The following STAC variants were observed in gnomAD, a reference collection of about 807,000 sequenced individuals.
STAC encodes SH3 and cysteine-rich domain-containing protein.
In STAC, 43 loss-of-function variants were observed where a neutral mutation model predicts 48.8. That is an observed-to-expected ratio of 0.88 (90% CI 0.69 to 1.14). The LOEUF (loss-of-function observed/expected upper bound fraction) is 1.14, where lower values mean the gene tolerates loss of function less well. STAC is among the 50% of genes most tolerant of loss of function. STAC has a pLI of 0.00. For missense variants in STAC, 497 were observed against 504.0 expected, an observed-to-expected ratio of 0.99 and a Z score of 0.13; for synonymous variants, 193 against 179.5, an observed-to-expected ratio of 1.07 and a Z score of -0.60.
intron 8 of STAC, among the ~76,000 whole-genome samples, chr3:36,514,674 G>A (rs981511572): frequency 6.6e-6 from 1 of 152,148 alleles, no homozygotes; most frequent in Non-Finnish European, 1.5e-5. Context: ...GTATTGTGGA[G>A]ATTAAATGAA....
intron 1 of STAC, among the ~76,000 whole-genome samples, chr3:36,391,576 CTT>C (rs1699752364): frequency 6.6e-6 from 1 of 152,152 alleles, no homozygotes; most frequent in African/African-American, 2.4e-5. Context: ...TCTGTGCTCT[CTT>C]TGTTGTTAAT....
intron 1 of STAC, among the ~76,000 whole-genome samples, chr3:36,419,157 G>A (rs1170460674): frequency 1.3e-5 from 2 of 151,720 alleles, no homozygotes; most frequent in Non-Finnish European, 2.9e-5. Flanking sequence ...TCACCACTAA[G>A]TTTGACTCTG....
chr3:36,536,534 G>C (rs1017017291), intron 10 of STAC, among the ~76,000 whole-genome samples: 2 of 152,202 alleles, frequency 1.3e-5, no homozygotes, highest in Middle Eastern at 6.8e-3. Flanking sequence ...TGGGAAGTGG[G>C]CTAGCCATAT....
chr3:36,515,071 T>C (rs1698639087), intron 8 of STAC, among the ~76,000 whole-genome samples: 1 of 147,146 alleles, frequency 6.8e-6, no homozygotes, highest in Non-Finnish European at 1.5e-5. Flanking sequence ...AATAATATAA[T>C]GGAAACTATA....
rs140340366 is a variant in STAC, at chr3:36,543,684, G to A, written c.1111-2507G>A. Among the ~76,000 whole-genome samples, 29 of 152,194 alleles carry A rather than the reference G, an allele frequency of 1.9e-4. No individual in the cohort carries two copies. The East Asian group carries it at 3.1e-3, about 16-fold the overall frequency. Reference sequence around the variant, plus strand: ...GTTTTTGCTCCAAGAACTGAAATTCGTTCTTCACAGAGATAATGAAATGCT... The same window carrying A: ...GTTTTTGCTCCAAGAACTGAAATTCATTCTTCACAGAGATAATGAAATGCT... On this transcript the variant is annotated intron_variant, in intron 10 of 10. Coordinates refer to ENST00000273183, the MANE Select transcript of STAC (RefSeq NM_003149.3).
chr3:36,546,341 G>C lies in STAC; in HGVS notation c.*52G>C, dbSNP rs530306055. 4 of 1,504,638 alleles carry C rather than the reference G, an allele frequency of 2.7e-6. No homozygotes were observed. In the African/African-American group the frequency reaches 5.5e-5, roughly 21 times the overall value. 93.2% of individuals were successfully genotyped at this position (1,504,638 alleles called of 1,614,324 possible). On this transcript the variant is annotated 3_prime_UTR_variant, in exon 11 of 11. Coordinates refer to ENST00000273183, the MANE Select transcript of STAC (RefSeq NM_003149.3). The stretch of plus-strand genomic sequence containing the variant: ...AGGCAAGCTCTGCTGCGATGCCTCT[G>C]CCTCATCTCACACTGCGTCAACCCA...
At chr3:36,456,280 G>C (rs1696852488) in intron 2 of STAC, among the ~76,000 whole-genome samples, 1 of 152,172 alleles carries the variant, frequency 6.6e-6, no homozygotes, top group Non-Finnish European at 1.5e-5. Context: ...GAACGAGCCT[G>C]ACTCTGTTGA....
chr3:36,434,761 T>C (rs1700789887), intron 1 of STAC, among the ~76,000 whole-genome samples: 2 of 152,208 alleles, frequency 1.3e-5, no homozygotes, highest in African/African-American at 4.8e-5. Flanking sequence ...GACTGGTAAA[T>C]CAATACACCT....
chr3:36,534,473 C>CAT (rs1224569673), intron 10 of STAC, among the ~76,000 whole-genome samples: 1 of 152,070 alleles, frequency 6.6e-6, no homozygotes, highest in Non-Finnish European at 1.5e-5. Context: ...GACAAATGGA[C>CAT]ATTAACAAGA....
chr3:36,529,858 A>G (rs1329169124), intron 10 of STAC, among the ~76,000 whole-genome samples: 2 of 152,080 alleles, frequency 1.3e-5, no homozygotes, highest in African/African-American at 2.4e-5. Flanking sequence ...TCGGTGGCTC[A>G]CGCCTGTAAT....
intron 2 of STAC, among the ~76,000 whole-genome samples, chr3:36,450,689 C>A (rs759599685): frequency 6.6e-6 from 1 of 152,144 alleles, no homozygotes; most frequent in African/African-American, 2.4e-5. Context: ...CCATGCCTGG[C>A]TAACTTTTAT....
chr3:36,453,306 G>C (rs1281398608), intron 2 of STAC, among the ~76,000 whole-genome samples: 1 of 152,224 alleles, frequency 6.6e-6, no homozygotes, highest in African/African-American at 2.4e-5. Context: ...GCTGGCCAAG[G>C]CCGGAGCCAG....
intron 2 of STAC, among the ~76,000 whole-genome samples, chr3:36,462,032 C>A (rs1047578514): frequency 6.6e-6 from 1 of 151,992 alleles, no homozygotes; most frequent in African/African-American, 2.4e-5. Context: ...AGTTAGGAGG[C>A]TATTACAGTA....
intron 1 of STAC, among the ~76,000 whole-genome samples, chr3:36,390,348 G>A (rs1215682611): frequency 1.3e-5 from 2 of 151,832 alleles, no homozygotes; most frequent in Non-Finnish European, 2.9e-5. Flanking sequence ...TTTAAAGATA[G>A]GTCGTGTTCC....
Position 36,486,169 on chromosome 3 carries a change from C to G in STAC, c.607C>G (p.Leu203Val), listed in dbSNP as rs1329280925. ...TAAGGTGGACCCTGTCTACGAGACC[C>G]TCCGCTTCGGCACCTCCCTGGCCCA... The part of the protein sequence containing the change: ...GNKVDPVYET[L>V]RFGTSLAQRT... The change falls in exon 5 of 11, where the codon CTC (leucine) becomes GTC (valine). Residue 203 changes from leucine to valine, a missense_variant. Transcript: ENST00000273183. 3 of 1,613,884 alleles carry G rather than the reference C, an allele frequency of 1.9e-6. No homozygotes were observed. The highest frequency in any genetic ancestry group is 2.5e-6 in the Non-Finnish European group (3 of 1,179,956).
chr3:36,510,297 G>A (rs1698504077), intron 8 of STAC, among the ~76,000 whole-genome samples: 1 of 152,090 alleles, frequency 6.6e-6, no homozygotes, highest in Non-Finnish European at 1.5e-5. Flanking sequence ...TAAAAAGTCA[G>A]GAAACAACAG....
intron 1 of STAC, among the ~76,000 whole-genome samples, chr3:36,428,487 T>G (rs1256606033): frequency 6.6e-6 from 1 of 152,198 alleles, no homozygotes; most frequent in Non-Finnish European, 1.5e-5. Flanking sequence ...TATTGCCAAT[T>G]TTCAATATGC....
At chr3:36,537,523 CACACA>C (rs1483047274) in intron 10 of STAC, among the ~76,000 whole-genome samples, 2 of 152,086 alleles carry the variant, frequency 1.3e-5, no homozygotes, top group African/African-American at 4.8e-5. Flanking sequence ...GAGGGAACAA[CACACA>C]CTAGGGCCTG....
At chr3:36,485,462 C>T (rs1697779302) in intron 4 of STAC, among the ~76,000 whole-genome samples, 1 of 152,170 alleles carries the variant, frequency 6.6e-6, no homozygotes, top group Admixed American at 6.5e-5. Context: ...TGCTGCTTTT[C>T]ATAATTGCTA....
Sources: allele counts gnomAD v4.1 joint callset (sites outside exome capture counted in the v4.1 genomes callset), GRCh38; gene constraint gnomAD v4.1.1; transcripts MANE v1.5; gene names NCBI Gene and HGNC (gene_info 2026-07-23, HGNC 2026-07-21).